Variants in PTPRD observed in about 807,000 individuals in gnomAD.
PTPRD encodes protein tyrosine phosphatase receptor type D.
In PTPRD, 34 loss-of-function variants were observed where a neutral mutation model predicts 214.5. That is an observed-to-expected ratio of 0.16 (90% CI 0.12 to 0.21). The LOEUF (loss-of-function observed/expected upper bound fraction) is 0.21, where lower values mean the gene tolerates loss of function less well. PTPRD is among the 10% of genes least tolerant of loss of function. The probability of loss-of-function intolerance (pLI) is 1.00; values close to 1 mark genes in which losing one functional copy is unlikely to be tolerated. For missense variants in PTPRD, 2,545 were observed against 2,398.7 expected, an observed-to-expected ratio of 1.06 and a Z score of -1.27; for synonymous variants, 1,128 against 845.7, an observed-to-expected ratio of 1.33 and a Z score of -5.79.
At chr9:10,577,278 G>C (rs1454760477) in intron 2 of PTPRD, among the ~76,000 whole-genome samples, 3 of 152,086 alleles carry the variant, frequency 2.0e-5, no homozygotes, top group Non-Finnish European at 2.9e-5. Flanking sequence ...CTTTTCTTTA[G>C]TCAGTGGAAC....
intron 11 of PTPRD, among the ~76,000 whole-genome samples, chr9:8,820,142 C>T (rs192386944): frequency 5.9e-4 from 90 of 152,210 alleles, no homozygotes; most frequent in African/African-American, 2.1e-3. Context: ...TCTATATATA[C>T]ATATATGTTT....
At chr9:9,562,258 A>T (rs1311046082) in intron 8 of PTPRD, among the ~76,000 whole-genome samples, 1 of 152,128 alleles carries the variant, frequency 6.6e-6, no homozygotes, top group Non-Finnish European at 1.5e-5. Context: ...AATTGGTTGG[A>T]AATTCTGCCA....
At chr9:9,906,517 AC>A (rs2077607023) in intron 5 of PTPRD, among the ~76,000 whole-genome samples, 1 of 151,998 alleles carries the variant, frequency 6.6e-6, no homozygotes, top group African/African-American at 2.4e-5. Flanking sequence ...GATGATAGTT[AC>A]ATTGGTCATC....
At chr9:9,616,231 A>G (rs1327441202) in intron 7 of PTPRD, among the ~76,000 whole-genome samples, 4 of 152,248 alleles carry the variant, frequency 2.6e-5, no homozygotes, top group South Asian at 4.2e-4. Flanking sequence ...TCTTTTTTAT[A>G]AGTATATCCC....
intron 3 of PTPRD, among the ~76,000 whole-genome samples, chr9:10,096,071 G>C (rs552729916): frequency 6.6e-6 from 1 of 151,502 alleles, no homozygotes; most frequent in African/African-American, 2.4e-5. Context: ...TAGGCTTACC[G>C]CATTAGAGTT....
chr9:9,164,244 C>G (rs544374163), intron 10 of PTPRD, among the ~76,000 whole-genome samples: 28 of 152,114 alleles, frequency 1.8e-4, no homozygotes, highest in Non-Finnish European at 2.9e-4. Context: ...CTTTTAGAGG[C>G]TACCTGTATT....
intron 3 of PTPRD, among the ~76,000 whole-genome samples, chr9:10,279,737 C>A (rs997784107): frequency 3.3e-5 from 5 of 151,012 alleles, no homozygotes; most frequent in African/African-American, 1.2e-4. Context: ...TTCCTCTGAG[C>A]GACAGTTAAA....
chr9:8,417,391 C>A (rs1405629758), intron 35 of PTPRD, among the ~76,000 whole-genome samples: 2 of 152,014 alleles, frequency 1.3e-5, no homozygotes, highest in Non-Finnish European at 2.9e-5. Flanking sequence ...AACTGAATAG[C>A]CATAATGCAG....
intron 14 of PTPRD, among the ~76,000 whole-genome samples, chr9:8,619,757 G>C (rs1233335013): frequency 3.3e-5 from 5 of 151,524 alleles, no homozygotes; most frequent in Non-Finnish European, 5.9e-5. Context: ...GTGGAGTTAA[G>C]GTATCTTTTA....
At chr9:9,370,218 C>T (rs773071719) in intron 9 of PTPRD, among the ~76,000 whole-genome samples, 13 of 152,184 alleles carry the variant, frequency 8.5e-5, no homozygotes, top group African/African-American at 1.9e-4. Flanking sequence ...GCCATTTTCA[C>T]GATATTGATT....
At chr9:9,797,738 C>G (rs924395726) in intron 5 of PTPRD, among the ~76,000 whole-genome samples, 1 of 150,800 alleles carries the variant, frequency 6.6e-6, no homozygotes, top group Non-Finnish European at 1.5e-5. Flanking sequence ...CCCAGCTACT[C>G]GGGGGGGGCT....
At chr9:10,165,187 C>T (rs571772756) in intron 3 of PTPRD, among the ~76,000 whole-genome samples, 81 of 151,778 alleles carry the variant, frequency 5.3e-4, no homozygotes, top group African/African-American at 1.4e-3. Flanking sequence ...CAAAAGATTA[C>T]CACCCTGTAA....
intron 8 of PTPRD, among the ~76,000 whole-genome samples, chr9:9,521,275 A>G (rs1433095152): frequency 6.6e-6 from 1 of 152,010 alleles, no homozygotes; most frequent in Admixed American, 6.6e-5. Flanking sequence ...CTTAGCTCTC[A>G]ATTTCGTGGT....
At chr9:8,912,039 C>T (rs1385724107) in intron 11 of PTPRD, among the ~76,000 whole-genome samples, 2 of 152,110 alleles carry the variant, frequency 1.3e-5, no homozygotes, top group Non-Finnish European at 2.9e-5. Context: ...GAGTGGAATA[C>T]TCATACATTA....
At chr9:8,391,551 T>C (rs368124522) in intron 36 of PTPRD, among the ~76,000 whole-genome samples, 1 of 152,162 alleles carries the variant, frequency 6.6e-6, no homozygotes, top group East Asian at 1.9e-4. Context: ...TACATATCCA[T>C]AGGATTTGGT....
chr9:9,160,268 G>A (rs998050941), intron 10 of PTPRD, among the ~76,000 whole-genome samples: 2 of 152,064 alleles, frequency 1.3e-5, no homozygotes, highest in Admixed American at 6.6e-5. Flanking sequence ...CACAGAACAG[G>A]AGAAAATATT....
At chr9:9,507,206 A>G (rs2096590009) in intron 8 of PTPRD, among the ~76,000 whole-genome samples, 1 of 151,244 alleles carries the variant, frequency 6.6e-6, no homozygotes, top group African/African-American at 2.4e-5. Flanking sequence ...AAGCATTATA[A>G]TGTCAATTTT....
chr9:9,633,677 G>A (rs1386274068), intron 7 of PTPRD, among the ~76,000 whole-genome samples: 3 of 152,084 alleles, frequency 2.0e-5, no homozygotes, highest in Admixed American at 2.0e-4. Context: ...TTTTCTAAAG[G>A]TTGTAGGTTA....
chr9:8,986,934 T>G (rs1327545895), intron 11 of PTPRD, among the ~76,000 whole-genome samples: 2 of 152,102 alleles, frequency 1.3e-5, no homozygotes, highest in Non-Finnish European at 2.9e-5. Flanking sequence ...CTAAGGAGGC[T>G]GAATATTTTT....
Sources: gnomAD v4.1 joint callset for allele counts (sites outside exome capture counted in the v4.1 genomes callset) on GRCh38, gnomAD v4.1.1 for gene constraint, MANE v1.5 for transcripts, NCBI Gene and HGNC (gene_info 2026-07-23, HGNC 2026-07-21) for gene names.